The following ALX3 variants were observed in gnomAD, a reference collection of about 807,000 sequenced individuals.
The protein encoded by ALX3 is ALX homeobox 3.
A neutral mutation model predicts 26.3 loss-of-function variants in ALX3; 17 were observed. The ratio of observed to expected loss-of-function variants is 0.65; its 90% CI spans 0.44 to 0.97. The LOEUF (loss-of-function observed/expected upper bound fraction) is 0.97, where lower values mean the gene tolerates loss of function less well. Ranked by LOEUF, ALX3 falls within the 50% of genes least tolerant of loss-of-function variation. The pLI is 0.00. For synonymous variants in ALX3, 208 were observed against 201.4 expected (o/e 1.03, Z -0.28); for missense variants, 461 against 466.5 (o/e 0.99, Z 0.11).
rs1027463 is a variant in ALX3, at chr1:110,060,421, G to C, written c.*312C>G. 0.046 allele frequency: 10,021 copies of C among 217,874 alleles called. 878 individuals carry two copies. Among genetic ancestry groups the C allele is most frequent in the African/African-American group, 0.2 (8,804 of 43,674 alleles). The allele number at this position is 217,874 out of a possible 1,614,324, so 13.5% of individuals were successfully genotyped here. On this transcript the variant is annotated 3_prime_UTR_variant, in exon 4 of 4. Coordinates refer to ENST00000647563, the MANE Select transcript of ALX3 (RefSeq NM_006492.3). ...AGCCAAGTAAGCTGTCTTAGCTGGA[G>C]AGATGACAATGGACTTGGACAAAGT...
In ALX3 at chr1:110,064,863, C is replaced by G; in HGVS notation, c.318G>C (p.Leu106=). 2 of 1,611,196 alleles carry G rather than the reference C, an allele frequency of 1.2e-6. No homozygotes were observed. Among genetic ancestry groups the G allele is most frequent in the Non-Finnish European group, 1.7e-6 (2 of 1,178,600 alleles). Residue 106 remains leucine (L), a synonymous_variant, in exon 2 of 4, where the codon CTG becomes CTC. Transcript: ENST00000647563. ...TGGGGCCCCCTCGGCAGTCCAAGGG[C>G]AGCTGGGGGAAGCTGGCAGCTTTGG... is the stretch of plus-strand genomic sequence containing the variant. ...KTSKAASFPQ[L]PLDCRGGPRD...
At chr1:110,063,762 G>A (rs370892970) in intron 2 of ALX3, among the ~76,000 whole-genome samples, 64 of 151,868 alleles carry the variant, frequency 4.2e-4, no homozygotes, top group African/African-American at 1.5e-3. Context: ...GCAAGCCAGT[G>A]AATGGCCATC....
Position 110,070,413 on chromosome 1 carries a change from G to C in ALX3, c.200C>G (p.Pro67Arg). 4 of 1,274,312 alleles carry C rather than the reference G, an allele frequency of 3.1e-6. No homozygotes were observed. Among genetic ancestry groups the C allele is most frequent in the Non-Finnish European group, 3.0e-6 (3 of 1,011,702 alleles). The allele number at this position is 1,274,312 out of a possible 1,614,324, so 78.9% of individuals were successfully genotyped here. A position where few individuals can be genotyped will look rare whatever the true frequency, so the allele number is the denominator to read the frequency against. ...GAGGTCCTGCAGGTACTTGGCGGGCGGCTTGGCCGGCTCTGGGAGGTAGGG... is the reference window on the plus strand; with the variant it reads ...GAGGTCCTGCAGGTACTTGGCGGGCCGCTTGGCCGGCTCTGGGAGGTAGGG... ...LEPYLPEPAK[P>R]PAKYLQDLGP... Residue 67 changes from proline to arginine, a missense_variant, in exon 1 of 4, where the codon CCG (proline) becomes CGG (arginine). This residue lies in a region of ALX3 where 241 missense variants were observed against 206.1 expected (regional missense o/e 1.17). Coordinates refer to ENST00000647563, the MANE Select transcript of ALX3 (RefSeq NM_006492.3).
chr1:110,068,615 T>A (rs72976700), intron 1 of ALX3, among the ~76,000 whole-genome samples: 4,177 of 152,342 alleles, frequency 0.027, 190 homozygotes, highest in African/African-American at 0.094. Flanking sequence ...TTGTTTAGTC[T>A]GCTCCCTCCC....
In ALX3 at chr1:110,061,457, G is replaced by C. The variant is rs1653642228; in HGVS notation, c.701C>G (p.Pro234Arg). ...FTAAYDISVLPRTDSHPQLQN... is the reference protein window; with the variant it reads ...FTAAYDISVLRRTDSHPQLQN... Reference sequence around the variant, plus strand: ...TACCTGAGGGTGGCTGTCAGTACGGGGCAGCACAGAGATGTCATAGGCAGC... The same window carrying C: ...TACCTGAGGGTGGCTGTCAGTACGGCGCAGCACAGAGATGTCATAGGCAGC... The change falls in exon 3 of 4, where the codon CCC becomes CGC. Residue 234 changes from proline (P) to arginine (R), a missense_variant. Transcript: ENST00000647563. 6.2e-7 allele frequency: 1 copy of C among 1,614,102 alleles called. No individual in the cohort carries two copies. The highest frequency in any genetic ancestry group is 8.5e-7 in the Non-Finnish European group (1 of 1,180,050).
chr1:110,070,585 G>A lies in ALX3; in HGVS notation c.28C>T (p.Arg10Cys). Residue 10 changes from arginine to cysteine, a missense_variant, in exon 1 of 4, where the codon CGC becomes TGC. By Grantham distance (180) the Arg-to-Cys change is radical (BLOSUM62 -3). This residue lies in a region of ALX3 where 241 missense variants were observed against 206.1 expected (regional missense o/e 1.17). Coordinates refer to ENST00000647563, the MANE Select transcript of ALX3 (RefSeq NM_006492.3). ...TAGGGGCCGGGTGCAGGCCCCACGC[G>A]GAAAGGCGCGCAGTGCTCGGGGTCC... MDPEHCAPFRVGPAPGPYVA... is the reference protein window; with the variant it reads MDPEHCAPFCVGPAPGPYVA... 2 of 1,296,628 alleles carry A rather than the reference G, an allele frequency of 1.5e-6. No individual in the cohort carries two copies. Among genetic ancestry groups the A allele is most frequent in the South Asian group, 2.2e-5 (1 of 45,356 alleles). The allele number at this position is 1,296,628 out of a possible 1,614,324, so 80.3% of individuals were successfully genotyped here.
At chr1:110,065,316 C>T (rs1557803237) in intron 1 of ALX3, among the ~76,000 whole-genome samples, 1 of 152,198 alleles carries the variant, frequency 6.6e-6, no homozygotes, top group Non-Finnish European at 1.5e-5. Flanking sequence ...GAAAGTGCTT[C>T]CTTGTTCCTA....
chr1:110,068,396 CCGCTCTGCCGCAG>C (rs1256221295), intron 1 of ALX3, among the ~76,000 whole-genome samples: 3 of 152,222 alleles, frequency 2.0e-5, no homozygotes, highest in African/African-American at 7.2e-5. Flanking sequence ...GCGCCGAGGT[CCGCTCTGCCGCAG>C]GGACGCTGGC....
At chr1:110,061,245 T>G (rs1469994497) in intron 3 of ALX3, 190 bp downstream of exon 3, 5 of 1,118,130 alleles carry the variant, frequency 4.5e-6, no homozygotes, top group African/African-American at 3.2e-5. Context: ...AATTTTCTTC[T>G]GTGATTCCTT....
intron 2 of ALX3, 199 bp from the exon 3 acceptor site, chr1:110,061,762 G>A: frequency 1.2e-6 from 1 of 802,844 alleles, no homozygotes; most frequent in Non-Finnish European, 1.9e-6. Context: ...AGCCCACAGT[G>A]GGTAATTGGC....
intron 2 of ALX3, among the ~76,000 whole-genome samples, chr1:110,063,083 G>A (rs1653693538): frequency 6.6e-6 from 1 of 152,110 alleles, no homozygotes; most frequent in South Asian, 2.1e-4. Context: ...CCTACTCCAG[G>A]GTCTCCATCC....
Position 110,060,906 on chromosome 1 carries a change from C to T in ALX3, c.859G>A (p.Val287Met). 6.2e-7 allele frequency: 1 copy of T among 1,613,290 alleles called. No homozygotes were observed. Among genetic ancestry groups the T allele is most frequent in the South Asian group, 1.1e-5 (1 of 91,058 alleles). The change falls in exon 4 of 4, where the codon GTG becomes ATG. Residue 287 changes from valine to methionine, a missense_variant. By Grantham distance (21) the Val-to-Met change is conservative. This residue lies in a region of ALX3 where 169 missense variants were observed against 178.0 expected (regional missense o/e 0.95). Coordinates refer to ENST00000647563, the MANE Select transcript of ALX3 (RefSeq NM_006492.3). The stretch of plus-strand genomic sequence containing the variant: ...GGGTGAGCCGCAGAAGGGGCTGGCA[C>T]CCCCATGAAGCCAGCCACACTCCCA... The part of the protein sequence containing the change: ...PHGSVAGFMG[V>M]PAPSAAHPGI...
intron 2 of ALX3, among the ~76,000 whole-genome samples, chr1:110,062,787 A>G (rs994571508): frequency 6.6e-5 from 10 of 152,166 alleles, no homozygotes; most frequent in African/African-American, 2.4e-4. Context: ...ATAAGAAAGC[A>G]GGCCTGCAGC....
chr1:110,069,261 C>G (rs1287383004), intron 1 of ALX3, among the ~76,000 whole-genome samples: 1 of 152,264 alleles, frequency 6.6e-6, no homozygotes, highest in African/African-American at 2.4e-5. Flanking sequence ...ATTCCCACCG[C>G]CCCGGCTGGG....
Position 110,070,353 on chromosome 1 carries a change from T to C in ALX3, c.260A>G (p.Tyr87Cys). ...CGCGTTACCTTCCGCGGGGCCCTCG[T>C]AGAAGTGGCCGCCGTTGAGGGCCGG... ...PGPALNGGHFYEGPAEAEEKT... is the reference protein window; with the variant it reads ...PGPALNGGHFCEGPAEAEEKT... Residue 87 changes from tyrosine to cysteine, a missense_variant, in exon 1 of 4, where the codon TAC becomes TGC. Tyr to Cys is a radical substitution (Grantham distance 194). This residue lies in a region of ALX3 where 241 missense variants were observed against 206.1 expected (regional missense o/e 1.17). Coordinates refer to ENST00000647563, the MANE Select transcript of ALX3 (RefSeq NM_006492.3). 1 of 1,289,510 alleles carries C rather than the reference T, an allele frequency of 7.8e-7. No individual in the cohort carries two copies. The highest frequency in any genetic ancestry group is 9.8e-7 in the Non-Finnish European group (1 of 1,018,530). 79.9% of individuals were successfully genotyped at this position (1,289,510 alleles called of 1,614,324 possible).
rs893323237 is a variant in ALX3, at chr1:110,070,521, G to C, written c.92C>G (p.Thr31Ser). ...GTGCAGGTGAGGCGCAGCGGCGGGG[G>C]TTCCCTGCGGGCCCGGAGGCTCGTC... is the stretch of plus-strand genomic sequence containing the variant. ...SGDEPPGPQG[T>S]PAAAPHLHPA... Residue 31 changes from threonine to serine, a missense_variant, in exon 1 of 4, where the codon ACC (threonine) becomes AGC (serine). By Grantham distance (58) the Thr-to-Ser change is moderately conservative (BLOSUM62 1). Around this residue, in one of 3 missense-constraint regions of ALX3, gnomAD observed 241 missense variants for 206.1 expected, o/e 1.17. Coordinates refer to ENST00000647563, the MANE Select transcript of ALX3 (RefSeq NM_006492.3). The C allele has an allele frequency of 2.3e-6, 3 of 1,285,388 alleles. No homozygotes were observed. The African/African-American group carries it at 4.7e-5, about 20-fold the overall frequency. The allele number at this position is 1,285,388 out of a possible 1,614,324, so 79.6% of individuals were successfully genotyped here.
chr1:110,062,427 G>A (rs1309766911), intron 2 of ALX3: 1 of 152,204 alleles, frequency 6.6e-6, no homozygotes, highest in African/African-American at 2.4e-5. Flanking sequence ...TTTGGTATAT[G>A]TGCTGTGACT....
In ALX3 at chr1:110,060,779, C is replaced by G; in HGVS notation, c.986G>C (p.Arg329Thr). Reference sequence around the variant, plus strand: ...GCCGGGTGGCTCCTTGGGCTTTACCCTGAGCGAGACGAGGCTTGGAGACTT... The same window carrying G: ...GCCGGGTGGCTCCTTGGGCTTTACCGTGAGCGAGACGAGGCTTGGAGACTT... The part of the protein sequence containing the change: ...DYKSPSLVSL[R>T]VKPKEPPGLL... Residue 329 changes from arginine to threonine, a missense_variant, in exon 4 of 4, where the codon AGG (arginine) becomes ACG (threonine). By Grantham distance (71) the Arg-to-Thr change is moderately conservative. This residue lies in a region of ALX3 where 169 missense variants were observed against 178.0 expected (regional missense o/e 0.95). Transcript: ENST00000647563. 1 of 1,531,718 alleles carries G rather than the reference C, an allele frequency of 6.5e-7. No individual in the cohort carries two copies. The highest frequency in any genetic ancestry group is 8.8e-7 in the Non-Finnish European group (1 of 1,141,044). The allele number at this position is 1,531,718 out of a possible 1,614,324, so 94.9% of individuals were successfully genotyped here. A position where few individuals can be genotyped will look rare whatever the true frequency, so the allele number is the denominator to read the frequency against.
At position 110,061,573 on chromosome 1, in the gene ALX3, G is replaced by T; in HGVS notation, c.595-10C>A. The T allele has an allele frequency of 6.2e-7, 1 of 1,614,104 alleles. No individual in the cohort carries two copies. Among genetic ancestry groups the T allele is most frequent in the South Asian group, 1.1e-5 (1 of 91,088 alleles). On this transcript the variant is annotated splice_polypyrimidine_tract_variant and intron_variant, in intron 2 of 3. Transcript: ENST00000647563. ...GGTTCTGGAACCAGACCTGGGGGCAGGTTGTGGGGGTTTGAGGGGGTGATA... is the reference window on the plus strand; with the variant it reads ...GGTTCTGGAACCAGACCTGGGGGCATGTTGTGGGGGTTTGAGGGGGTGATA...
Sources: allele counts gnomAD v4.1 joint callset (sites outside exome capture counted in the v4.1 genomes callset), GRCh38; gene constraint gnomAD v4.1.1; regional missense constraint gnomAD v4.1.1; transcripts MANE v1.5; gene names NCBI Gene and HGNC (gene_info 2026-07-23, HGNC 2026-07-21).